Variants in TSPEAR observed in about 807,000 individuals in gnomAD.
The protein encoded by TSPEAR is thrombospondin type laminin G domain and EAR repeats.
In TSPEAR, 69 loss-of-function variants were observed where a neutral mutation model predicts 71.6. The observed-to-expected ratio is 0.96, with a 90% CI of 0.79 to 1.18. TSPEAR has a LOEUF of 1.18. TSPEAR is among the 50% of genes most tolerant of loss of function. The pLI, the probability that TSPEAR is intolerant of heterozygous loss-of-function variation, is 0.00. For missense variants in TSPEAR, 971 were observed against 894.9 expected (o/e 1.09, Z -1.09); for synonymous variants, 402 against 387.2 (o/e 1.04, Z -0.45).
rs1016400946 is a variant in TSPEAR, at chr21:44,687,007, C to A, written c.82+24426G>T. Among the ~76,000 whole-genome samples the A allele has an allele frequency of 1.3e-5, 2 of 152,156 alleles. No homozygotes were observed. On this transcript the variant is annotated intron_variant, in intron 1 of 11. Coordinates refer to ENST00000323084, the MANE Select transcript of TSPEAR (RefSeq NM_144991.3). This position sits in a 1 kb window ranked among gnomAD's most constrained non-coding sequence, Gnocchi z 4.4. ...AAAGCTGTGGCTGAAGCTGCTGAGT[C>A]CAAAGGGGGTGTCTCCTTCCCAGTA...
intron 1 of TSPEAR, among the ~76,000 whole-genome samples, chr21:44,640,666 TGGAG>T (rs1983974658): frequency 6.6e-6 from 1 of 152,136 alleles, no homozygotes; most frequent in East Asian, 1.9e-4. Context: ...TGATAGAAAA[TGGAG>T]GCATGCCATC....
chr21:44,678,426 C>A (rs1337034904), intron 1 of TSPEAR, among the ~76,000 whole-genome samples: 3 of 152,018 alleles, frequency 2.0e-5, no homozygotes, highest in African/African-American at 7.2e-5. Flanking sequence ...GCACTGGTGC[C>A]CCTTTTGCCT....
chr21:44,647,233 C>T, intron 1 of TSPEAR: 2 of 1,605,302 alleles, frequency 1.2e-6, no homozygotes, highest in Non-Finnish European at 1.7e-6. Context: ...CTGCTGTGCC[C>T]CCACCTCCTC....
At chr21:44,611,143 G>A (rs1981641029) in intron 1 of TSPEAR, among the ~76,000 whole-genome samples, 1 of 152,154 alleles carries the variant, frequency 6.6e-6, no homozygotes, top group African/African-American at 2.4e-5. Context: ...GGACTGTTGG[G>A]AAGGCATGAC....
At chr21:44,581,025 ATAGG>A (rs1362737689) in intron 1 of TSPEAR, among the ~76,000 whole-genome samples, 3 of 152,216 alleles carry the variant, frequency 2.0e-5, no homozygotes, top group Non-Finnish European at 4.4e-5. Flanking sequence ...TAAAATATAA[ATAGG>A]TAGAAAAATA....
chr21:44,513,466 C>T (rs1175393347), intron 9 of TSPEAR, among the ~76,000 whole-genome samples: 4 of 152,328 alleles, frequency 2.6e-5, no homozygotes, highest in South Asian at 2.1e-4. Flanking sequence ...CTGGCTGGCA[C>T]GGGAGCCAAG....
chr21:44,634,613 A>G (rs1167469182), intron 1 of TSPEAR, among the ~76,000 whole-genome samples: 3 of 152,266 alleles, frequency 2.0e-5, no homozygotes, highest in African/African-American at 7.2e-5. Context: ...CAGAATATAT[A>G]AAGAACTCTT....
At chr21:44,533,618 C>A in intron 3 of TSPEAR, 67 bp downstream of exon 3, 1 of 1,371,980 alleles carries the variant, frequency 7.3e-7, no homozygotes, top group South Asian at 1.3e-5. Context: ...GCGAGCACGG[C>A]TGAAGGATGC....
In TSPEAR at chr21:44,529,864, T is replaced by G. The variant is rs2052931874; in HGVS notation, c.724A>C (p.Ile242Leu). The G allele has an allele frequency of 1.2e-6, 2 of 1,613,824 alleles. No homozygotes were observed. The highest frequency in any genetic ancestry group is 1.7e-6 in the Non-Finnish European group (2 of 1,179,940). ...SRNAPLAVLS[I>L]PRVLQALTGK... ...GTGAGAGCCTGCAGGACCCGTGGGA[T>G]GGACAGCACCGCCAGCGGGGCGTTC... The change falls in exon 5 of 12, where the codon ATC (isoleucine) becomes CTC (leucine). Residue 242 changes from isoleucine to leucine, a missense_variant. Transcript: ENST00000323084.
chr21:44,517,726 G>A, intron 9 of TSPEAR: 3 of 470,304 alleles, frequency 6.4e-6, no homozygotes, highest in African/African-American at 2.0e-5. Context: ...TGTCCTGCGG[G>A]GGCTCTGTGG....
chr21:44,667,246 G>A (rs1270192934), intron 1 of TSPEAR, among the ~76,000 whole-genome samples: 1 of 151,946 alleles, frequency 6.6e-6, no homozygotes, highest in Admixed American at 6.6e-5. Flanking sequence ...TTTCCTCTCT[G>A]TGTGATGATG....
intron 11 of TSPEAR, among the ~76,000 whole-genome samples, chr21:44,503,816 A>T (rs2052113220): frequency 8.3e-6 from 1 of 121,006 alleles, no homozygotes; most frequent in Non-Finnish European, 1.7e-5. Flanking sequence ...CCTCGGGGGG[A>T]AGCAAGGCGC....
At chr21:44,646,682 G>A (rs782662766) in intron 1 of TSPEAR, 2 of 1,614,050 alleles carry the variant, frequency 1.2e-6, no homozygotes, top group South Asian at 1.1e-5. Flanking sequence ...ACCAGCTCCT[G>A]CACGCCGTCA....
intron 9 of TSPEAR, among the ~76,000 whole-genome samples, chr21:44,513,542 C>T (rs1006841459): frequency 6.6e-6 from 1 of 152,262 alleles, no homozygotes; most frequent in Non-Finnish European, 1.5e-5. Flanking sequence ...TCCCCAGAGC[C>T]TGGCCCTGCT....
At chr21:44,627,082 C>T in intron 1 of TSPEAR, 1 of 1,552,448 alleles carries the variant, frequency 6.4e-7, no homozygotes, top group Non-Finnish European at 8.7e-7. Context: ...CCTGAGAGCC[C>T]CAAGAACCTC....
Position 44,533,870 on chromosome 21 carries a change from G to C in TSPEAR, c.357C>G (p.Leu119=). The C allele has an allele frequency of 6.2e-7, 1 of 1,612,364 alleles. No individual in the cohort carries two copies. The highest frequency in any genetic ancestry group is 8.5e-7 in the Non-Finnish European group (1 of 1,179,866). ...GCTGGGCAGGTGACAACCGCAGGCC[G>C]AGCAGCAGCAGGTCGCTCTCCTCTG... ...VVAEESDLLL[L]GLRLSPAQLH... The change falls in exon 3 of 12, where the codon CTC becomes CTG. Residue 119 remains leucine (L), a synonymous_variant. Transcript: ENST00000323084.
intron 1 of TSPEAR, among the ~76,000 whole-genome samples, chr21:44,578,669 GC>G (rs1978632263): frequency 6.6e-6 from 1 of 152,154 alleles, no homozygotes; most frequent in Non-Finnish European, 1.5e-5. Context: ...CCCTGAGATG[GC>G]CTTGCAGGGA....
intron 9 of TSPEAR, among the ~76,000 whole-genome samples, chr21:44,509,613 C>T (rs1213829238): frequency 1.3e-5 from 2 of 152,058 alleles, no homozygotes; most frequent in African/African-American, 4.8e-5. Context: ...AGCACTCTCC[C>T]TGGCTGTCCC....
intron 1 of TSPEAR, chr21:44,637,410 A>C: frequency 6.3e-7 from 1 of 1,596,100 alleles, no homozygotes; most frequent in Non-Finnish European, 8.5e-7. Flanking sequence ...CCGCCTCCCC[A>C]CTCCAGCATG....
Sources: allele counts gnomAD v4.1 joint callset (sites outside exome capture counted in the v4.1 genomes callset), GRCh38; gene constraint gnomAD v4.1.1; non-coding constraint Gnocchi (gnomAD v3.1); transcripts MANE v1.5; gene names NCBI Gene and HGNC (gene_info 2026-07-23, HGNC 2026-07-21).